The following AHDC1 variants were observed in gnomAD, a reference collection of about 807,000 sequenced individuals.
The protein encoded by AHDC1 is AT-hook DNA binding motif containing 1.
AHDC1 carries 7 observed loss-of-function variants against 87.9 expected under a neutral mutation model. The observed-to-expected ratio is 0.08, with a 90% CI of 0.05 to 0.15. The LOEUF (loss-of-function observed/expected upper bound fraction) is 0.15, where lower values mean the gene tolerates loss of function less well. Ranked by LOEUF, AHDC1 falls within the 10% of genes least tolerant of loss-of-function variation. AHDC1 has a pLI of 1.00. For synonymous variants in AHDC1, 1,051 were observed against 1,006.8 expected (o/e 1.04, Z -0.83); for missense variants, 1,841 against 2,253.2 (o/e 0.82, Z 3.70).
At chr1:27,541,243 G>T (rs930695886) in intron 8 of AHDC1, among the ~76,000 whole-genome samples, 1 of 152,158 alleles carries the variant, frequency 6.6e-6, no homozygotes, top group African/African-American at 2.4e-5. Context: ...TTTAGAGGGT[G>T]GTCCCTGTTC....
At chr1:27,583,435 T>C (rs943855805) in intron 3 of AHDC1, among the ~76,000 whole-genome samples, 30 of 152,244 alleles carry the variant, frequency 2.0e-4, no homozygotes, top group African/African-American at 7.0e-4. Context: ...ACTTCACTTG[T>C]TCCCTTCCCT....
At chr1:27,555,732 G>A (rs1001870002) in intron 5 of AHDC1, among the ~76,000 whole-genome samples, 1 of 149,526 alleles carries the variant, frequency 6.7e-6, no homozygotes, top group East Asian at 2.0e-4. Context: ...CTCCCTTACT[G>A]AGGGTCAGGC....
chr1:27,568,681 C>T (rs1307830865), intron 3 of AHDC1, among the ~76,000 whole-genome samples: 1 of 151,912 alleles, frequency 6.6e-6, no homozygotes, highest in Non-Finnish European at 1.5e-5. Context: ...ACGCCCTCTT[C>T]CCCGGACCCT....
At position 27,547,972 on chromosome 1, in the gene AHDC1, G is replaced by A; in HGVS notation, c.4144C>T (p.Pro1382Ser). ...APELDGKHFPPLAHPPTVFDA... is the reference protein window; with the variant it reads ...APELDGKHFPSLAHPPTVFDA... ...AACACCGTGGGTGGGTGGGCCAGCGGTGGGAAATGCTTGCCATCAAGCTCG... is the reference window on the plus strand; with the variant it reads ...AACACCGTGGGTGGGTGGGCCAGCGATGGGAAATGCTTGCCATCAAGCTCG... Residue 1382 changes from proline (P) to serine (S), a missense_variant, in exon 8 of 9, where the codon CCG (proline) becomes TCG (serine). Around this residue, in one of 13 missense-constraint regions of AHDC1, gnomAD observed 505 missense variants for 626.2 expected, o/e 0.81. Transcript: ENST00000673934. This position sits in a 1 kb window ranked among gnomAD's most constrained non-coding sequence, Gnocchi z 4.9. 2 of 1,602,858 alleles carry A rather than the reference G, an allele frequency of 1.2e-6. No homozygotes were observed. The highest frequency in any genetic ancestry group is 1.7e-6 in the Non-Finnish European group (2 of 1,172,366).
Position 27,562,059 on chromosome 1 carries a change from C to G in AHDC1, c.-628-3176G>C, listed in dbSNP as rs1041764563. Among the ~76,000 whole-genome samples, 3 of 152,060 alleles carry G rather than the reference C, an allele frequency of 2.0e-5. No homozygotes were observed. Among genetic ancestry groups the G allele is most frequent in the African/African-American group, 7.2e-5 (3 of 41,450 alleles). On this transcript the variant is annotated intron_variant, in intron 3 of 8. Transcript: ENST00000673934. This position sits in a 1 kb window ranked among gnomAD's most constrained non-coding sequence, Gnocchi z 4.4. ...CAGAGATGGGAAAGGCAGGAGAGAG[C>G]AGGGACCAGGGGTTTCTGCAGGAGC... is the stretch of plus-strand genomic sequence containing the variant.
intron 8 of AHDC1, among the ~76,000 whole-genome samples, chr1:27,546,719 G>A (rs2019185015): frequency 6.6e-6 from 1 of 152,234 alleles, no homozygotes; most frequent in South Asian, 2.1e-4. Flanking sequence ...GTGTGACCAC[G>A]CCACACTGGC....
intron 3 of AHDC1, among the ~76,000 whole-genome samples, chr1:27,587,753 T>C (rs1282538174): frequency 6.6e-6 from 1 of 152,200 alleles, no homozygotes; most frequent in Non-Finnish European, 1.5e-5. Context: ...CTGACAATAA[T>C]GGCTATTATT....
rs1368922054 is a variant in AHDC1, at chr1:27,560,045, G to A, written c.-628-1162C>T. Among the ~76,000 whole-genome samples, 2 of 152,198 alleles carry A rather than the reference G, an allele frequency of 1.3e-5. No individual in the cohort carries two copies. Among genetic ancestry groups the A allele is most frequent in the East Asian group, 1.9e-4 (1 of 5,204 alleles). ...TGTGTGGGTACATGTGGGCTTAAGC[G>A]TGTCCATGTGTGGGATCACGCGTTT... is the stretch of plus-strand genomic sequence containing the variant. On this transcript the variant is annotated intron_variant, in intron 3 of 8. Coordinates refer to ENST00000673934, the MANE Select transcript of AHDC1 (RefSeq NM_001371928.1). This position sits in a 1 kb window ranked among gnomAD's most constrained non-coding sequence, Gnocchi z 4.1.
At chr1:27,577,447 G>C (rs1036241966) in intron 3 of AHDC1, among the ~76,000 whole-genome samples, 37 of 152,094 alleles carry the variant, frequency 2.4e-4, no homozygotes, top group Non-Finnish European at 4.4e-4. Context: ...CCAGACTATG[G>C]GCCCCTAGGT....
At chr1:27,535,965 T>C (rs927260988) in intron 8 of AHDC1, among the ~76,000 whole-genome samples, 1 of 152,020 alleles carries the variant, frequency 6.6e-6, no homozygotes, top group Non-Finnish European at 1.5e-5. Flanking sequence ...CCTGGTCCTT[T>C]CAGACTTCTG....
chr1:27,535,960 TC>T (rs1399885611), intron 8 of AHDC1, among the ~76,000 whole-genome samples: 3 of 151,964 alleles, frequency 2.0e-5, no homozygotes, highest in African/African-American at 7.3e-5. Flanking sequence ...ATTAGCCTGG[TC>T]CTTTCAGACT....
rs540823316 is a variant in AHDC1, at chr1:27,562,851, A to G, written c.-628-3968T>C. ...GAGAGAATCACACATGCCACTCCCC[A>G]CAACAGCCTGCGACGGGCACATGGT... On this transcript the variant is annotated intron_variant, in intron 3 of 8. Transcript: ENST00000673934. The surrounding 1 kb of genome is among the most constrained non-coding windows in gnomAD (Gnocchi z 4.4). 2.5e-4 allele frequency among the ~76,000 whole-genome samples: 38 copies of G among 152,232 alleles called. No individual in the cohort carries two copies. Among genetic ancestry groups the G allele is most frequent in the African/African-American group, 8.9e-4 (37 of 41,516 alleles).
At chr1:27,587,850 A>G (rs756688189) in intron 3 of AHDC1, among the ~76,000 whole-genome samples, 20 of 152,148 alleles carry the variant, frequency 1.3e-4, no homozygotes, top group Non-Finnish European at 1.8e-4. Flanking sequence ...TGACTTGCCT[A>G]AGGTCACTCA....
rs1430444801 is a variant in AHDC1 at position 27,593,385 on chromosome 1, C to T, written c.-629+10012G>A. On this transcript the variant is annotated intron_variant, in intron 3 of 8. Coordinates refer to ENST00000673934, the MANE Select transcript of AHDC1 (RefSeq NM_001371928.1). The surrounding 1 kb of genome is among the most constrained non-coding windows in gnomAD (Gnocchi z 4.9). ...GCAGTGAATGCCCCAGAGTCTACCG[C>T]AGTGTGCCCACTGCTGCCGCCACCA... Among the ~76,000 whole-genome samples the T allele has an allele frequency of 6.6e-6, 1 of 152,244 alleles. No homozygotes were observed. Among genetic ancestry groups the T allele is most frequent in the Non-Finnish European group, 1.5e-5 (1 of 68,034 alleles).
intron 5 of AHDC1, among the ~76,000 whole-genome samples, chr1:27,556,487 G>T (rs1047901698): frequency 3.9e-5 from 6 of 151,982 alleles, no homozygotes; most frequent in Non-Finnish European, 8.8e-5. Context: ...TCAGGGACTA[G>T]TCATCACCTC....
intron 5 of AHDC1, among the ~76,000 whole-genome samples, chr1:27,554,436 T>C (rs1571252988): frequency 1.3e-5 from 2 of 152,190 alleles, no homozygotes; most frequent in Admixed American, 1.3e-4. Flanking sequence ...CACATCTGTC[T>C]TGTTTATCGC....
intron 5 of AHDC1, among the ~76,000 whole-genome samples, chr1:27,556,680 GAACA>G (rs1276101643): frequency 2.6e-5 from 4 of 152,112 alleles, no homozygotes; most frequent in Admixed American, 1.3e-4. Flanking sequence ...ATGCCCTTAA[GAACA>G]AACAGCCATC....
intron 3 of AHDC1, among the ~76,000 whole-genome samples, chr1:27,596,830 C>T (rs2089387427): frequency 6.6e-6 from 1 of 152,030 alleles, no homozygotes; most frequent in Admixed American, 6.6e-5. Flanking sequence ...TCCACACATA[C>T]ATACCTGACA....
chr1:27,537,261 A>T (rs2018682950), intron 8 of AHDC1, among the ~76,000 whole-genome samples: 1 of 152,128 alleles, frequency 6.6e-6, no homozygotes, highest in Non-Finnish European at 1.5e-5. Flanking sequence ...AGTGCTAGGC[A>T]CTGGGGACAA....
Sources: gnomAD v4.1 joint callset for allele counts (sites outside exome capture counted in the v4.1 genomes callset) on GRCh38, gnomAD v4.1.1 for gene constraint, gnomAD v4.1.1 regional missense constraint, Gnocchi (gnomAD v3.1) non-coding constraint, MANE v1.5 for transcripts, NCBI Gene and HGNC (gene_info 2026-07-23, HGNC 2026-07-21) for gene names.